NEDD4: variants seen among roughly 807,000 people sequenced by gnomAD.
NEDD4 encodes NEDD4 E3 ubiquitin protein ligase, also known as E3 ubiquitin-protein ligase NEDD4.
NEDD4 carries 99 observed loss-of-function variants against 144.9 expected under a neutral mutation model. That is an observed-to-expected ratio of 0.68 (90% CI 0.58 to 0.81). The LOEUF (loss-of-function observed/expected upper bound fraction) is 0.81, where lower values mean the gene tolerates loss of function less well. Among genes scored for constraint, NEDD4 ranks in the 30% least tolerant of loss-of-function variants. The pLI is 0.00. For synonymous variants in NEDD4, 318 were observed against 350.6 expected, an observed-to-expected ratio of 0.91 and a Z score of 1.04; for missense variants, 985 against 1,065.9, an observed-to-expected ratio of 0.92 and a Z score of 1.06.
rs536873356 is a variant in NEDD4, at chr15:55,861,073, T to C, written c.675-295A>G. On this transcript the variant is annotated intron_variant, in intron 9 of 28. Coordinates refer to ENST00000435532, the MANE Select transcript of NEDD4 (RefSeq NM_006154.4). Reference sequence around the variant, plus strand: ...AACACATATAGGTACTCAAAAATATTTGTTGAATGAATAAATATCAGAGCG... The same window carrying C: ...AACACATATAGGTACTCAAAAATATCTGTTGAATGAATAAATATCAGAGCG... 3.3e-5 allele frequency among the ~76,000 whole-genome samples: 5 copies of C among 152,306 alleles called. No homozygotes were observed. The South Asian group carries it at 8.3e-4, about 25-fold the overall frequency.
Position 55,829,419 on chromosome 15 carries a change from AC to A in NEDD4, c.*477del, listed in dbSNP as rs1441511809. The A allele has an allele frequency of 1.3e-5, 2 of 154,370 alleles. No homozygotes were observed. The highest frequency in any genetic ancestry group is 4.8e-5 in the African/African-American group (2 of 41,472). 9.6% of individuals were successfully genotyped at this position (154,370 alleles called of 1,614,324 possible). ...AGTAGCACTAAATATATTGTAGTTT[AC>A]TCAATAGTAAAGTATTTCTTTTTCC... On this transcript the variant is annotated 3_prime_UTR_variant, in exon 29 of 29. Coordinates refer to ENST00000435532, the MANE Select transcript of NEDD4 (RefSeq NM_006154.4).
At chr15:55,915,440 T>G (rs2036405145) in intron 5 of NEDD4, 1 of 1,613,906 alleles carries the variant, frequency 6.2e-7, no homozygotes, top group East Asian at 2.2e-5. Flanking sequence ...AGGAAATATT[T>G]GGATAAGCTC....
Position 55,972,239 on chromosome 15 carries a change from C to CTGTGTGGTG in NEDD4, c.46-5694_46-5693insCACCACACA, listed in dbSNP as rs1163090689. On this transcript the variant is annotated intron_variant, in intron 1 of 28. Transcript: ENST00000435532. Reference sequence around the variant, plus strand: ...CAGACAAATACAGAATATTATATCACTGTAATTGTGGTGTGTAAACTCATA... The same window carrying CTGTGTGGTG: ...CAGACAAATACAGAATATTATATCACTGTGTGGTGTGTAATTGTGGTGTGTAAACTCATA... Among the ~76,000 whole-genome samples, 6 of 152,260 alleles carry CTGTGTGGTG rather than the reference C, an allele frequency of 3.9e-5. No homozygotes were observed. The East Asian group carries it at 1.2e-3, about 29-fold the overall frequency.
Position 55,860,665 on chromosome 15 carries a change from G to T in NEDD4, c.788C>A (p.Ser263Tyr), listed in dbSNP as rs1248533230. The change falls in exon 10 of 29, where the codon TCC becomes TAC. Residue 263 changes from serine to tyrosine, a missense_variant. By Grantham distance (144) the Ser-to-Tyr change is moderately radical. Transcript: ENST00000435532. Reference protein sequence around the residue: ...ETESVDNRESSENWEIIREDE... With the variant: ...ETESVDNRESYENWEIIREDE... ...GAACTAGGAAACTACTTATACCTCGGAAGACTCTCGGTTGTCAACACTTTC... is the reference window on the plus strand; with the variant it reads ...GAACTAGGAAACTACTTATACCTCGTAAGACTCTCGGTTGTCAACACTTTC... 3 of 1,613,912 alleles carry T rather than the reference G, an allele frequency of 1.9e-6. No individual in the cohort carries two copies. Among genetic ancestry groups the T allele is most frequent in the Non-Finnish European group, 2.5e-6 (3 of 1,179,934 alleles).
intron 1 of NEDD4, among the ~76,000 whole-genome samples, chr15:55,992,190 G>A (rs1250470730): frequency 1.3e-5 from 2 of 152,212 alleles, no homozygotes; most frequent in East Asian, 1.9e-4. Context: ...CCATTAGCTA[G>A]AATGATATCT....
intron 5 of NEDD4, chr15:55,916,944 T>C: frequency 6.7e-7 from 1 of 1,488,068 alleles, no homozygotes; most frequent in South Asian, 1.4e-5. Flanking sequence ...TTGTGGTGCC[T>C]AAAAGAGCTA....
At chr15:55,955,224 T>G (rs1475007770) in intron 2 of NEDD4, among the ~76,000 whole-genome samples, 1 of 152,120 alleles carries the variant, frequency 6.6e-6, no homozygotes, top group Non-Finnish European at 1.5e-5. Context: ...GGTTTCACCA[T>G]GTTGCCCAAG....
At chr15:55,847,937 C>A (rs189808961) in intron 17 of NEDD4, among the ~76,000 whole-genome samples, 2 of 152,210 alleles carry the variant, frequency 1.3e-5, no homozygotes, top group Admixed American at 1.3e-4. Context: ...GCCTTGGCCT[C>A]CCAAAGTGCT....
chr15:55,961,632 G>A (rs1040448074), intron 2 of NEDD4, among the ~76,000 whole-genome samples: 2 of 151,922 alleles, frequency 1.3e-5, no homozygotes, highest in Non-Finnish European at 1.5e-5. Context: ...CACCACACCC[G>A]GATAATTTTT....
intron 12 of NEDD4, 107 bp from the exon 13 acceptor site, chr15:55,852,650 C>T (rs62043760): frequency 0.093 from 69,303 of 747,530 alleles, 3,604 homozygotes; most frequent in Middle Eastern, 0.11. Flanking sequence ...CCCAAGCAAC[C>T]ACTCATCTGC....
intron 8 of NEDD4, 22 bp from the exon 9 acceptor site, chr15:55,863,101 A>G: frequency 2.6e-6 from 4 of 1,544,580 alleles, no homozygotes; most frequent in Non-Finnish European, 3.5e-6. Context: ...GATGGCAGCA[A>G]TTAAGTTTAC....
chr15:55,856,249 T>C, intron 11 of NEDD4, 53 bp from the exon 12 acceptor site: 1 of 1,506,740 alleles, frequency 6.6e-7, no homozygotes, highest in Non-Finnish European at 9.2e-7. Context: ...TGATTTGCCT[T>C]TGAGTGACAG....
chr15:55,860,111 G>A (rs531771269), intron 11 of NEDD4, among the ~76,000 whole-genome samples: 5 of 152,248 alleles, frequency 3.3e-5, no homozygotes, highest in Admixed American at 2.6e-4. Flanking sequence ...CCAATGGTGC[G>A]TGTTCTCCCT....
intron 5 of NEDD4, among the ~76,000 whole-genome samples, chr15:55,901,999 A>G (rs2035928992): frequency 4.6e-5 from 7 of 152,104 alleles, no homozygotes; most frequent in Admixed American, 4.6e-4. Flanking sequence ...GTACATTTTC[A>G]CCTCTGCCTA....
rs1223092156 is a variant in NEDD4 at position 55,838,090 on chromosome 15, A to T, written c.2201+17T>A. ...CAAAATTATATCCAATAAAATACAT[A>T]CTAATAAAATACTTACTAAATATAT... On this transcript the variant is annotated intron_variant, in intron 23 of 28. Transcript: ENST00000435532. 4 of 1,324,102 alleles carry T rather than the reference A, an allele frequency of 3.0e-6. No homozygotes were observed. The African/African-American group carries it at 5.8e-5, about 19-fold the overall frequency. 82.0% of individuals were successfully genotyped at this position (1,324,102 alleles called of 1,614,324 possible).
intron 7 of NEDD4, among the ~76,000 whole-genome samples, chr15:55,870,542 T>G (rs1237493149): frequency 7.0e-6 from 1 of 142,802 alleles, no homozygotes; most frequent in Non-Finnish European, 1.5e-5. Flanking sequence ...TTTTTTTTTT[T>G]TTTTGTTTTG....
intron 1 of NEDD4, among the ~76,000 whole-genome samples, chr15:55,979,222 T>G (rs1279013583): frequency 4.0e-5 from 6 of 151,116 alleles, no homozygotes; most frequent in Non-Finnish European, 8.8e-5. Context: ...ATTATATTAA[T>G]TGAAAAAATA....
Position 55,940,518 on chromosome 15 carries a change from TTC to T in NEDD4, c.237+10856_237+10857del, listed in dbSNP as rs60338644. 9.2e-3 allele frequency among the ~76,000 whole-genome samples: 969 copies of T among 105,346 alleles called. 3 individuals carry two copies. The highest frequency in any genetic ancestry group is 9.4e-3 in the Admixed American group (97 of 10,330). 69.1% of individuals were successfully genotyped at this position (105,346 alleles called of 152,430 possible). A position where few individuals can be genotyped will look rare whatever the true frequency, so the allele number is the denominator to read the frequency against. ...CTCCTTCCTCCTTCCCTCCTCCCCCTTCTCTCTCTCTCTCTCTCTCTCTCTCT... is the reference window on the plus strand; with the variant it reads ...CTCCTTCCTCCTTCCCTCCTCCCCCTTCTCTCTCTCTCTCTCTCTCTCTCT... On this transcript the variant is annotated intron_variant, in intron 4 of 28. Coordinates refer to ENST00000435532, the MANE Select transcript of NEDD4 (RefSeq NM_006154.4).
At position 55,862,925 on chromosome 15, in the gene NEDD4, CT is replaced by C; in HGVS notation, c.661del (p.Arg221AspfsTer8). The C allele has an allele frequency of 6.2e-7, 1 of 1,602,868 alleles. No homozygotes were observed. ...CATCAGCACATACTGAGGGGTTGGT[CT>C]TTTCCACTGTGTTCTTCTAGATTCA... ...NHESRRTQWK[R>X]PTPQDNLTDA... On this transcript the variant is annotated frameshift_variant, in exon 9 of 29. Transcript: ENST00000435532. LOFTEE classifies it high-confidence loss of function.
Sources: gnomAD v4.1 joint callset for allele counts (sites outside exome capture counted in the v4.1 genomes callset) on GRCh38, gnomAD v4.1.1 for gene constraint, MANE v1.5 for transcripts, NCBI Gene and HGNC (gene_info 2026-07-23, HGNC 2026-07-21) for gene names.